Variants in LDB2 observed in about 807,000 individuals in gnomAD.
The protein encoded by LDB2 is LIM domain-binding protein 2.
Under a neutral mutation model 44.3 loss-of-function variants are expected in LDB2, and 12 were observed. The observed-to-expected ratio is 0.27, with a 90% confidence interval of 0.17 to 0.44. The LOEUF (loss-of-function observed/expected upper bound fraction) is 0.44, where lower values mean the gene tolerates loss of function less well. LDB2 is among the 20% of genes least tolerant of loss of function. The pLI is 1.00. For synonymous variants in LDB2, 164 were observed against 174.8 expected (o/e 0.94, Z 0.49); for missense variants, 344 against 473.5 (o/e 0.73, Z 2.54).
chr4:16,542,708 C>G (rs749300028), intron 5 of LDB2, among the ~76,000 whole-genome samples: 1 of 146,262 alleles, frequency 6.8e-6, no homozygotes, highest in Admixed American at 6.7e-5. Context: ...TTCCTAAACT[C>G]TAAATAATGC....
chr4:16,637,811 G>T (rs917462590), intron 2 of LDB2, among the ~76,000 whole-genome samples: 2 of 152,034 alleles, frequency 1.3e-5, no homozygotes, highest in African/African-American at 4.8e-5. Flanking sequence ...CACCAAGAGA[G>T]GGTCATAGCA....
At chr4:16,573,701 G>A (rs758238783) in intron 5 of LDB2, among the ~76,000 whole-genome samples, 9 of 152,126 alleles carry the variant, frequency 5.9e-5, no homozygotes, top group African/African-American at 1.4e-4. Flanking sequence ...TCCTCAGAAC[G>A]TCAGGGCTTA....
At chr4:16,637,598 A>G (rs1381293305) in intron 2 of LDB2, among the ~76,000 whole-genome samples, 1 of 152,130 alleles carries the variant, frequency 6.6e-6, no homozygotes, top group African/African-American at 2.4e-5. Context: ...ATTAATATAT[A>G]GTAATTAATT....
intron 4 of LDB2, among the ~76,000 whole-genome samples, chr4:16,587,399 A>AGAGCAAGGG (rs1389745083): frequency 1.3e-5 from 2 of 152,228 alleles, no homozygotes; most frequent in Admixed American, 6.5e-5. Flanking sequence ...AAGTCACACA[A>AGAGCAAGGG]GAGCAAGGGT....
chr4:16,656,048 T>C (rs531363007), intron 2 of LDB2, among the ~76,000 whole-genome samples: 172 of 151,952 alleles, frequency 1.1e-3, no homozygotes, highest in African/African-American at 3.9e-3. Flanking sequence ...TACAGGCGCC[T>C]GCCACCACGC....
At chr4:16,616,424 T>C (rs993313674) in intron 2 of LDB2, among the ~76,000 whole-genome samples, 4 of 151,776 alleles carry the variant, frequency 2.6e-5, no homozygotes, top group Non-Finnish European at 5.9e-5. Context: ...GGAGGATGAA[T>C]GGAAAGAAGG....
intron 2 of LDB2, among the ~76,000 whole-genome samples, chr4:16,710,894 TA>T (rs1394081324): frequency 1.3e-5 from 2 of 152,158 alleles, no homozygotes; most frequent in African/African-American, 4.8e-5. Flanking sequence ...GATGATGGGC[TA>T]AAGTACCGAA....
chr4:16,502,539 T>C lies in LDB2; in HGVS notation c.*104A>G. 2 of 1,420,656 alleles carry C rather than the reference T, an allele frequency of 1.4e-6. No individual in the cohort carries two copies. The highest frequency in any genetic ancestry group is 2.5e-5 in the South Asian group (2 of 78,944). 88.0% of individuals were successfully genotyped at this position (1,420,656 alleles called of 1,614,324 possible). On this transcript the variant is annotated 3_prime_UTR_variant, in exon 8 of 8. Transcript: ENST00000304523. ...TGTGGTTTAGAAATAGATATTTGCA[T>C]GGAAAAGTTTTTATCTCTTCTGTTT...
At chr4:16,606,317 G>A (rs572083217) in intron 2 of LDB2, among the ~76,000 whole-genome samples, 31 of 152,216 alleles carry the variant, frequency 2.0e-4, no homozygotes, top group African/African-American at 7.5e-4. Flanking sequence ...CCCATGTTGA[G>A]GGACATCAGA....
chr4:16,739,608 A>ATGTG (rs199994605), intron 2 of LDB2, among the ~76,000 whole-genome samples: 1 of 86,202 alleles, frequency 1.2e-5, no homozygotes, highest in African/African-American at 4.8e-5. Context: ...ATATATATAT[A>ATGTG]TGTATATATA....
chr4:16,646,829 A>G (rs530526939), intron 2 of LDB2, among the ~76,000 whole-genome samples: 22 of 152,336 alleles, frequency 1.4e-4, no homozygotes, highest in African/African-American at 5.3e-4. Context: ...GTTACAAACA[A>G]TGGTCAATAT....
chr4:16,576,587 A>G (rs188307803), intron 5 of LDB2, among the ~76,000 whole-genome samples: 1 of 152,336 alleles, frequency 6.6e-6, no homozygotes, highest in Admixed American at 6.5e-5. Flanking sequence ...TGAAGCTATA[A>G]TAAAAAGGCT....
At chr4:16,714,956 A>G (rs1756758737) in intron 2 of LDB2, among the ~76,000 whole-genome samples, 3 of 152,000 alleles carry the variant, frequency 2.0e-5, no homozygotes, top group African/African-American at 7.2e-5. Flanking sequence ...ACCTGCAAAG[A>G]CCCTATTTTC....
intron 2 of LDB2, among the ~76,000 whole-genome samples, chr4:16,733,107 C>T (rs1039805097): frequency 1.4e-4 from 21 of 152,160 alleles, no homozygotes; most frequent in Admixed American, 7.2e-4. Flanking sequence ...CGCACTCAGG[C>T]GCCTTCTTAC....
chr4:16,652,784 T>A (rs977806297), intron 2 of LDB2, among the ~76,000 whole-genome samples: 7 of 152,206 alleles, frequency 4.6e-5, no homozygotes, highest in African/African-American at 1.7e-4. Flanking sequence ...GGCAGTTGAT[T>A]ATATTCAGTC....
At chr4:16,588,610 C>G in intron 4 of LDB2, 100 bp downstream of exon 4, 1 of 1,256,826 alleles carries the variant, frequency 8.0e-7, no homozygotes, top group Middle Eastern at 2.1e-4. Context: ...GTGACAACTA[C>G]TGGAATTCTT....
At chr4:16,818,237 G>T (rs775468878) in intron 1 of LDB2, among the ~76,000 whole-genome samples, 2 of 152,088 alleles carry the variant, frequency 1.3e-5, no homozygotes, top group African/African-American at 2.4e-5. Flanking sequence ...TTCTCACAAG[G>T]CTCAGTACTC....
intron 1 of LDB2, among the ~76,000 whole-genome samples, chr4:16,791,195 T>C (rs1775619229): frequency 6.6e-6 from 1 of 152,192 alleles, no homozygotes; most frequent in Non-Finnish European, 1.5e-5. Context: ...TTTTCATATT[T>C]GTTGTGAACT....
intron 1 of LDB2, among the ~76,000 whole-genome samples, chr4:16,867,186 A>C (rs1715009419): frequency 6.6e-6 from 1 of 152,210 alleles, no homozygotes; most frequent in South Asian, 2.1e-4. Flanking sequence ...TTGCATTCCA[A>C]TGCTCAGCCT....
Sources: gnomAD v4.1 joint callset for allele counts (sites outside exome capture counted in the v4.1 genomes callset) on GRCh38, gnomAD v4.1.1 for gene constraint, MANE v1.5 for transcripts, NCBI Gene and HGNC (gene_info 2026-07-23, HGNC 2026-07-21) for gene names.